The following GPC1 variants were observed in gnomAD, a reference collection of about 807,000 sequenced individuals.
The protein encoded by GPC1 is glypican-1.
GPC1 carries 26 observed loss-of-function variants against 51.5 expected under a neutral mutation model. That is an observed-to-expected ratio of 0.50 (90% CI 0.37 to 0.70). The LOEUF is 0.70. Ranked by LOEUF, GPC1 falls within the 30% of genes least tolerant of loss-of-function variation. GPC1 has a pLI of 0.00. For missense variants in GPC1, 775 were observed against 800.5 expected, an observed-to-expected ratio of 0.97 and a Z score of 0.38; for synonymous variants, 380 against 348.3, an observed-to-expected ratio of 1.09 and a Z score of -1.01.
rs1342474027 is a variant in GPC1 at position 240,448,202 on chromosome 2, G to C, written c.167-10828G>C. 6.6e-6 allele frequency among the ~76,000 whole-genome samples: 1 copy of C among 152,152 alleles called. No individual in the cohort carries two copies. The highest frequency in any genetic ancestry group is 1.5e-5 in the Non-Finnish European group (1 of 68,018). On this transcript the variant is annotated intron_variant, in intron 1 of 8. Transcript: ENST00000264039. This position sits in a 1 kb window ranked among gnomAD's most constrained non-coding sequence, Gnocchi z 4.5. The stretch of plus-strand genomic sequence containing the variant: ...GCAGGAGATGCTGGCCCCGGGTCTG[G>C]ACAGCTGCCCTCATAGGGGCCTCTC...
intron 1 of GPC1, among the ~76,000 whole-genome samples, chr2:240,446,198 G>A (rs13409716): frequency 0.63 from 95,159 of 151,954 alleles, 30,422 homozygotes; most frequent in Middle Eastern, 0.74. Flanking sequence ...GGGGAACGTC[G>A]TGGGGAGTCC....
chr2:240,444,150 GA>G lies in GPC1; in HGVS notation c.166+8067del, dbSNP rs1293602208. On this transcript the variant is annotated intron_variant, in intron 1 of 8. Coordinates refer to ENST00000264039, the MANE Select transcript of GPC1 (RefSeq NM_002081.3). ...GGCCATGTGAGGACACACACCGCAG[GA>G]GGGCCCGGCCAGCCTCAGCCCAGCC... 8.5e-5 allele frequency among the ~76,000 whole-genome samples: 13 copies of G among 152,292 alleles called. No individual in the cohort carries two copies. The East Asian group carries it at 2.1e-3, about 25-fold the overall frequency.
At chr2:240,463,765 C>A in intron 4 of GPC1, 1 of 540,050 alleles carries the variant, frequency 1.9e-6, no homozygotes, top group South Asian at 2.5e-5. Context: ...TTGTCCTTCC[C>A]CACTTAGCAA....
chr2:240,464,898 C>A lies in GPC1; in HGVS notation c.1057C>A (p.Pro353Thr). ...CGNPKVNPQG[P>T]GPEEKRRRGK... Reference sequence around the variant, plus strand: ...GAACCCCAAGGTCAACCCCCAGGGCCCCGGGCCTGAGGAGAAGCGGCGCCG... The same window carrying A: ...GAACCCCAAGGTCAACCCCCAGGGCACCGGGCCTGAGGAGAAGCGGCGCCG... Residue 353 changes from proline to threonine, a missense_variant, in exon 6 of 9, where the codon CCC becomes ACC. By Grantham distance (38) the Pro-to-Thr change is conservative (BLOSUM62 -1). Coordinates refer to ENST00000264039, the MANE Select transcript of GPC1 (RefSeq NM_002081.3). 6.4e-7 allele frequency: 1 copy of A among 1,553,250 alleles called. No homozygotes were observed. Among genetic ancestry groups the A allele is most frequent in the Non-Finnish European group, 8.7e-7 (1 of 1,148,488 alleles).
intron 1 of GPC1, chr2:240,455,961 C>G: frequency 2.4e-6 from 1 of 415,058 alleles, no homozygotes; most frequent in Non-Finnish European, 4.8e-6. Flanking sequence ...GGCTCCCAGG[C>G]CTTCGCCCGC....
chr2:240,440,043 T>G (rs2074008204), intron 1 of GPC1, among the ~76,000 whole-genome samples: 1 of 152,132 alleles, frequency 6.6e-6, no homozygotes, highest in Non-Finnish European at 1.5e-5. Context: ...TCCCCGGGCC[T>G]TTTCACAGGA....
rs150959912 is a variant in GPC1 at position 240,459,132 on chromosome 2, G to A, written c.269G>A (p.Arg90Gln). The part of the protein sequence containing the change: ...RSHAELETAL[R>Q]DSSRVLQAML... The stretch of plus-strand genomic sequence containing the variant: ...CATGCCGAGCTGGAGACCGCGCTCC[G>A]GGACAGCAGCCGCGTCCTGCAGGCC... The change falls in exon 2 of 9, where the codon CGG (arginine) becomes CAG (glutamine). Residue 90 changes from arginine to glutamine, a missense_variant. Coordinates refer to ENST00000264039, the MANE Select transcript of GPC1 (RefSeq NM_002081.3). The A allele has an allele frequency of 4.4e-5, 71 of 1,612,548 alleles. No individual in the cohort carries two copies. The highest frequency in any genetic ancestry group is 3.8e-5 in the Non-Finnish European group (45 of 1,179,896).
intron 1 of GPC1, chr2:240,450,381 TGGGGA>T (rs2074086517): frequency 5.7e-6 from 2 of 348,380 alleles, no homozygotes; most frequent in Non-Finnish European, 1.1e-5. Context: ...GCTGCAGGGT[TGGGGA>T]GGCGGGGGAT....
At position 240,459,077 on chromosome 2, in the gene GPC1, G is replaced by C; in HGVS notation, c.214G>C (p.Glu72Gln). Residue 72 changes from glutamate to glutamine, a missense_variant, in exon 2 of 9, where the codon GAG becomes CAG. Transcript: ENST00000264039. ...CCAGGGCTACACCTGCTGCACCAGC[G>C]AGATGGAGGAGAACCTGGCCAACCG... ...CPQGYTCCTS[E>Q]MEENLANRSH... The C allele has an allele frequency of 1.2e-6, 2 of 1,612,858 alleles. No individual in the cohort carries two copies. Among genetic ancestry groups the C allele is most frequent in the Non-Finnish European group, 8.5e-7 (1 of 1,179,910 alleles).
chr2:240,463,849 T>G (rs2074237721), intron 4 of GPC1: 1 of 343,978 alleles, frequency 2.9e-6, no homozygotes, highest in Non-Finnish European at 5.4e-6. Context: ...AACACATACA[T>G]GCACCGTCAC....
chr2:240,453,097 A>G, intron 1 of GPC1: 1 of 292,074 alleles, frequency 3.4e-6, no homozygotes. Context: ...CCGCATCCGC[A>G]GGCGCGCCAC....
chr2:240,459,987 G>T (rs547924792), intron 2 of GPC1, among the ~76,000 whole-genome samples: 1 of 152,086 alleles, frequency 6.6e-6, no homozygotes, highest in Non-Finnish European at 1.5e-5. Context: ...GGGAGGGAGC[G>T]CTGAGGCTGC....
intron 1 of GPC1, among the ~76,000 whole-genome samples, chr2:240,447,584 A>G (rs1038146518): frequency 6.6e-6 from 1 of 152,170 alleles, no homozygotes; most frequent in South Asian, 2.1e-4. Context: ...CTTGAAGATC[A>G]TGGCCGTTCC....
chr2:240,451,131 T>A (rs746456292), intron 1 of GPC1: 1 of 471,086 alleles, frequency 2.1e-6, no homozygotes. Flanking sequence ...TTCTGTTCCT[T>A]CCCCAGTGTT....
intron 1 of GPC1, among the ~76,000 whole-genome samples, chr2:240,443,937 C>T (rs890795475): frequency 9.2e-5 from 14 of 152,250 alleles, no homozygotes; most frequent in African/African-American, 3.4e-4. Flanking sequence ...CCCACACTTG[C>T]TTGCCGAGTG....
At chr2:240,447,249 C>T (rs1559195454) in intron 1 of GPC1, among the ~76,000 whole-genome samples, 1 of 152,168 alleles carries the variant, frequency 6.6e-6, no homozygotes, top group Non-Finnish European at 1.5e-5. Context: ...TCGTTCCTCC[C>T]TCAAGCAGAG....
Position 240,466,540 on chromosome 2 carries a change from C to A in GPC1, c.*250C>A. 1.9e-6 allele frequency: 1 copy of A among 518,898 alleles called. No individual in the cohort carries two copies. Among genetic ancestry groups the A allele is most frequent in the Non-Finnish European group, 3.4e-6 (1 of 293,304 alleles). The allele number at this position is 518,898 out of a possible 1,614,324, so 32.1% of individuals were successfully genotyped here. ...GCCCAAAAGCCATGTATTTCAGGGACCTCAGGGGCACCTCCGGCTGCCTAG... is the reference window on the plus strand; with the variant it reads ...GCCCAAAAGCCATGTATTTCAGGGAACTCAGGGGCACCTCCGGCTGCCTAG... On this transcript the variant is annotated 3_prime_UTR_variant, in exon 9 of 9. Transcript: ENST00000264039.
chr2:240,453,004 G>T (rs2151790945), intron 1 of GPC1: 1 of 353,380 alleles, frequency 2.8e-6, no homozygotes, highest in South Asian at 1.9e-5. Flanking sequence ...GGAGCCGCTG[G>T]AGCCGCCGCT....
intron 8 of GPC1, among the ~76,000 whole-genome samples, 195 bp from the exon 9 acceptor site, chr2:240,465,863 T>G (rs866277176): frequency 5.3e-5 from 8 of 152,254 alleles, no homozygotes; most frequent in Middle Eastern, 3.4e-3. Flanking sequence ...TGGCTTTGGC[T>G]CCAGGGACCA....
Sources: allele counts gnomAD v4.1 joint callset (sites outside exome capture counted in the v4.1 genomes callset), GRCh38; gene constraint gnomAD v4.1.1; non-coding constraint Gnocchi (gnomAD v3.1); transcripts MANE v1.5; gene names NCBI Gene and HGNC (gene_info 2026-07-23, HGNC 2026-07-21).